The following SYNE1 variants were observed in gnomAD, a reference collection of about 807,000 sequenced individuals.
SYNE1 encodes nesprin-1.
Under a neutral mutation model 1,111.0 loss-of-function variants are expected in SYNE1, and 616 were observed. The observed-to-expected ratio is 0.55, with a 90% CI of 0.52 to 0.59. The LOEUF (loss-of-function observed/expected upper bound fraction) is 0.59, where lower values mean the gene tolerates loss of function less well. Ranked by LOEUF, SYNE1 falls within the 20% of genes least tolerant of loss-of-function variation. The probability of loss-of-function intolerance (pLI) is 0.00; values close to 1 mark genes in which losing one functional copy is unlikely to be tolerated. For synonymous variants in SYNE1, 3,855 were observed against 3,825.8 expected (o/e 1.01, Z -0.28); for missense variants, 10,006 against 10,417.0 (o/e 0.96, Z 1.72).
intron 3 of SYNE1, among the ~76,000 whole-genome samples, chr6:152,619,960 A>G (rs1398799485): frequency 1.3e-5 from 2 of 152,212 alleles, no homozygotes; most frequent in African/African-American, 4.8e-5. Flanking sequence ...ATTTCTGAGC[A>G]TCTTGAACCT....
chr6:152,604,191 T>C (rs928057771), intron 3 of SYNE1, among the ~76,000 whole-genome samples: 1 of 151,940 alleles, frequency 6.6e-6, no homozygotes, highest in Non-Finnish European at 1.5e-5. Context: ...TGTGTGTGTG[T>C]GTGTATGTAG....
chr6:152,265,171 A>G (rs1454055004), intron 100 of SYNE1, among the ~76,000 whole-genome samples: 1 of 143,250 alleles, frequency 7.0e-6, no homozygotes, highest in Non-Finnish European at 1.5e-5. Context: ...GCATCACTGC[A>G]CTCCAGCCTG....
At chr6:152,157,468 ATACAGT>A (rs1373508090) in intron 131 of SYNE1, among the ~76,000 whole-genome samples, 2 of 152,220 alleles carry the variant, frequency 1.3e-5, no homozygotes, top group Non-Finnish European at 2.9e-5. Context: ...AGACACAAAC[ATACAGT>A]TAGAGGGAAT....
In SYNE1 at chr6:152,465,352, G is replaced by C. The variant is rs140135976; in HGVS notation, c.1838C>G (p.Ser613Cys). The C allele has an allele frequency of 2.5e-6, 4 of 1,613,832 alleles. No individual in the cohort carries two copies. Among genetic ancestry groups the C allele is most frequent in the Non-Finnish European group, 3.4e-6 (4 of 1,179,834 alleles). Residue 613 changes from serine to cysteine, a missense_variant, in exon 18 of 146, where the codon TCT becomes TGT. Physicochemically the swap from Ser to Cys is moderately radical, Grantham distance 112. Coordinates refer to ENST00000367255, the MANE Select transcript of SYNE1 (RefSeq NM_182961.4). ...TGTATTGCCATAGCGATCCCAGTTA[G>C]AGATCACTTCTTCCAGCATGCTCCT... Reference protein sequence around the residue: ...SVRSMLEEVISNWDRYGNTVA... With the variant: ...SVRSMLEEVICNWDRYGNTVA...
chr6:152,207,335 A>G (rs756051132), intron 125 of SYNE1, among the ~76,000 whole-genome samples: 3 of 152,212 alleles, frequency 2.0e-5, no homozygotes, highest in Non-Finnish European at 4.4e-5. Flanking sequence ...AACACAAGTC[A>G]AAAGCACAGC....
At chr6:152,218,922 C>G in intron 120 of SYNE1, 81 bp downstream of exon 120, 1 of 1,434,710 alleles carries the variant, frequency 7.0e-7, no homozygotes, top group Non-Finnish European at 9.7e-7. Context: ...GTTGCCATGA[C>G]AAGGAATTCT....
At chr6:152,222,171 G>A (rs556934589) in intron 117 of SYNE1, among the ~76,000 whole-genome samples, 12 of 152,334 alleles carry the variant, frequency 7.9e-5, no homozygotes, top group African/African-American at 2.2e-4. Flanking sequence ...TAGGGACTGC[G>A]TTAGGGATAA....
At chr6:152,635,987 G>A (rs564511833) in intron 2 of SYNE1, among the ~76,000 whole-genome samples, 1 of 152,274 alleles carries the variant, frequency 6.6e-6, no homozygotes, top group Admixed American at 6.5e-5. Flanking sequence ...ATGCCTGCCC[G>A]TTGGGATGCA....
chr6:152,613,745 G>A (rs2099638412), intron 3 of SYNE1, among the ~76,000 whole-genome samples: 2 of 152,224 alleles, frequency 1.3e-5, no homozygotes, highest in South Asian at 4.2e-4. Flanking sequence ...ATACTACAAG[G>A]CCACAGTAAC....
Position 152,300,798 on chromosome 6 carries a change from A to G in SYNE1, c.17542-17T>C, listed in dbSNP as rs1256730127. Reference sequence around the variant, plus strand: ...TGCAGTCATCTGCCACGTAAAATGTAGCCCAAAGGACATGAAAATCAATTA... The same window carrying G: ...TGCAGTCATCTGCCACGTAAAATGTGGCCCAAAGGACATGAAAATCAATTA... On this transcript the variant is annotated splice_polypyrimidine_tract_variant and intron_variant, in intron 92 of 145. Coordinates refer to ENST00000367255, the MANE Select transcript of SYNE1 (RefSeq NM_182961.4). 6.2e-7 allele frequency: 1 copy of G among 1,614,208 alleles called. No homozygotes were observed.
Position 152,149,500 on chromosome 6 carries a change from G to T in SYNE1, c.24619C>A (p.His8207Asn). The change falls in exon 136 of 146, where the codon CAT (histidine) becomes AAT (asparagine). Residue 8207 changes from histidine to asparagine, a missense_variant. Physicochemically the swap from His to Asn is moderately conservative, Grantham distance 68 (BLOSUM62 1). This residue lies in a region of SYNE1 where 761 missense variants were observed against 795.5 expected (regional missense o/e 0.96). Coordinates refer to ENST00000367255, the MANE Select transcript of SYNE1 (RefSeq NM_182961.4). ...QEVFGRVERY[H>N]KKLIRLPLPD... ...ACAGGCAGGCGGATCAGTTTCTTATGGTATCTTTCCACACGCCCGAAGACC... is the reference window on the plus strand; with the variant it reads ...ACAGGCAGGCGGATCAGTTTCTTATTGTATCTTTCCACACGCCCGAAGACC... 1 of 1,614,126 alleles carries T rather than the reference G, an allele frequency of 6.2e-7. No individual in the cohort carries two copies. The highest frequency in any genetic ancestry group is 8.5e-7 in the Non-Finnish European group (1 of 1,180,020).
chr6:152,231,612 A>G (rs1404103078), intron 113 of SYNE1, 45 bp from the exon 114 acceptor site: 1 of 1,592,472 alleles, frequency 6.3e-7, no homozygotes, highest in South Asian at 1.1e-5. Context: ...TAAATGTCTC[A>G]TTAGTTTTCC....
chr6:152,281,591 G>A lies in SYNE1; in HGVS notation c.18381+216C>T, dbSNP rs9322366. 0.18 allele frequency among the ~76,000 whole-genome samples: 28,106 copies of A among 152,026 alleles called. 3,193 individuals carry two copies. Among genetic ancestry groups the A allele is most frequent in the East Asian group, 0.46 (2,389 of 5,164 alleles). On this transcript the variant is annotated intron_variant, in intron 97 of 145. Coordinates refer to ENST00000367255, the MANE Select transcript of SYNE1 (RefSeq NM_182961.4). ...TTTTAAACATGACCTTTAGGAAGCC[G>A]GAGACACTGTGGTCAATGTTTTTCA...
chr6:152,570,568 G>A (rs1288953554), intron 3 of SYNE1, among the ~76,000 whole-genome samples: 2 of 152,154 alleles, frequency 1.3e-5, no homozygotes, highest in East Asian at 1.9e-4. Context: ...GACTTGCTGA[G>A]GCCACGTTGG....
intron 122 of SYNE1, 27 bp from the exon 123 acceptor site, chr6:152,213,786 TG>T (rs1563562995): frequency 3.7e-6 from 6 of 1,613,880 alleles, no homozygotes; most frequent in Non-Finnish European, 5.1e-6. Flanking sequence ...CAAGGAACAA[TG>T]GTTATTTCAC....
chr6:152,630,611 T>A (rs1036569893), intron 2 of SYNE1, among the ~76,000 whole-genome samples: 1 of 152,170 alleles, frequency 6.6e-6, no homozygotes, highest in Non-Finnish European at 1.5e-5. Context: ...GGTTTTCAAA[T>A]GCAAAAATAT....
chr6:152,615,768 G>C (rs2099644228), intron 3 of SYNE1, among the ~76,000 whole-genome samples: 1 of 152,166 alleles, frequency 6.6e-6, no homozygotes, highest in Non-Finnish European at 1.5e-5. Context: ...AATGATCTCA[G>C]AATATCTGAC....
At chr6:152,522,891 A>G (rs959631564) in intron 5 of SYNE1, among the ~76,000 whole-genome samples, 2 of 151,760 alleles carry the variant, frequency 1.3e-5, no homozygotes, top group Non-Finnish European at 2.9e-5. Context: ...CCACGTTTTG[A>G]TGGTATTGTT....
intron 87 of SYNE1, chr6:152,316,223 G>C (rs530925383): frequency 6.5e-6 from 1 of 154,852 alleles, no homozygotes; most frequent in African/African-American, 2.4e-5. Flanking sequence ...TGGGCTGCCC[G>C]ACCTCCTGTG....
Sources: gnomAD v4.1 joint callset for allele counts (sites outside exome capture counted in the v4.1 genomes callset) on GRCh38, gnomAD v4.1.1 for gene constraint, gnomAD v4.1.1 regional missense constraint, MANE v1.5 for transcripts, NCBI Gene and HGNC (gene_info 2026-07-23, HGNC 2026-07-21) for gene names.